APCDD1: variants seen among roughly 807,000 people sequenced by gnomAD.
APCDD1 encodes the protein APC down-regulated 1.
APCDD1 carries 15 observed loss-of-function variants against 38.1 expected under a neutral mutation model. The observed-to-expected ratio is 0.39, with a 90% CI of 0.26 to 0.61. APCDD1 has a LOEUF of 0.61. Among genes scored for constraint, APCDD1 ranks in the 20% least tolerant of loss-of-function variants. The pLI is 0.49. For missense variants in APCDD1, 647 were observed against 696.2 expected, an observed-to-expected ratio of 0.93 and a Z score of 0.79; for synonymous variants, 261 against 279.7, an observed-to-expected ratio of 0.93 and a Z score of 0.67.
At chr18:10,474,711 G>A (rs1398682282) in intron 3 of APCDD1, among the ~76,000 whole-genome samples, 1 of 152,204 alleles carries the variant, frequency 6.6e-6, no homozygotes, top group Admixed American at 6.5e-5. Context: ...TCCGCAGATG[G>A]AGTCTGAAAG....
At chr18:10,478,713 T>C (rs2031064914) in intron 3 of APCDD1, among the ~76,000 whole-genome samples, 1 of 152,134 alleles carries the variant, frequency 6.6e-6, no homozygotes, top group Non-Finnish European at 1.5e-5. Context: ...TAACATGGAT[T>C]TTGAGGCGAC....
In APCDD1 at chr18:10,470,061, C is replaced by G. The variant is rs926636524; in HGVS notation, c.242+1409C>G. Among the ~76,000 whole-genome samples the G allele has an allele frequency of 6.6e-6, 1 of 152,042 alleles. No homozygotes were observed. Among genetic ancestry groups the G allele is most frequent in the African/African-American group, 2.4e-5 (1 of 41,384 alleles). On this transcript the variant is annotated intron_variant, in intron 2 of 4. Transcript: ENST00000355285. The surrounding 1 kb of genome is among the most constrained non-coding windows in gnomAD (Gnocchi z 4.1). ...TTCTGGCTGCTGTTTGGCAAATGGA[C>G]GGGAGAAAAAGTGATTTGGGGGTGA...
intron 1 of APCDD1, among the ~76,000 whole-genome samples, chr18:10,457,733 T>G (rs1476557032): frequency 2.0e-5 from 3 of 152,228 alleles, no homozygotes; most frequent in Non-Finnish European, 4.4e-5. Context: ...ATAACCATTA[T>G]GTTTGGCATC....
chr18:10,473,328 G>A (rs1250069822), intron 3 of APCDD1, among the ~76,000 whole-genome samples: 1 of 152,198 alleles, frequency 6.6e-6, no homozygotes, highest in Non-Finnish European at 1.5e-5. Context: ...TTTCATGGCT[G>A]TGTCCCCGCG....
Position 10,466,967 on chromosome 18 carries a change from G to T in APCDD1, c.59-1502G>T, listed in dbSNP as rs149452883. On this transcript the variant is annotated intron_variant, in intron 1 of 4. Coordinates refer to ENST00000355285, the MANE Select transcript of APCDD1 (RefSeq NM_153000.5). ...CTGACATTCATTGCATGTAAAATCTGTAAGAACGATCAGAAGCTGTCTTTC... is the reference window on the plus strand; with the variant it reads ...CTGACATTCATTGCATGTAAAATCTTTAAGAACGATCAGAAGCTGTCTTTC... Among the ~76,000 whole-genome samples, 230 of 152,288 alleles carry T rather than the reference G, an allele frequency of 1.5e-3. 1 individual carries two copies. The highest frequency in any genetic ancestry group is 5.3e-3 in the African/African-American group (221 of 41,568).
At chr18:10,480,509 T>C (rs1279462308) in intron 3 of APCDD1, among the ~76,000 whole-genome samples, 3 of 152,156 alleles carry the variant, frequency 2.0e-5, no homozygotes, top group African/African-American at 4.8e-5. Flanking sequence ...TATTCAACGG[T>C]AGCTAAAATT....
rs529793844 is a variant in APCDD1 at position 10,466,508 on chromosome 18, C to G, written c.59-1961C>G. 2.0e-5 allele frequency among the ~76,000 whole-genome samples: 3 copies of G among 152,302 alleles called. No homozygotes were observed. In the East Asian group the frequency reaches 5.8e-4, roughly 29 times the overall value. On this transcript the variant is annotated intron_variant, in intron 1 of 4. Transcript: ENST00000355285. ...AACTAAAGGGACATGGTCCTCACCC[C>G]CTGGGGGAGCTGATCAAAATGCATG...
chr18:10,455,407 G>A (rs2030353796), intron 1 of APCDD1, among the ~76,000 whole-genome samples: 1 of 152,204 alleles, frequency 6.6e-6, no homozygotes, highest in South Asian at 2.1e-4. Flanking sequence ...TGAAATCGCC[G>A]GCTCTGCGAG....
intron 1 of APCDD1, among the ~76,000 whole-genome samples, chr18:10,460,561 C>CA (rs1176892434): frequency 1.3e-5 from 2 of 150,158 alleles, no homozygotes; most frequent in Non-Finnish European, 3.0e-5. Context: ...AACAAACAAG[C>CA]AAAAAAAACT....
chr18:10,486,221 G>T (rs1226943562), intron 4 of APCDD1, among the ~76,000 whole-genome samples: 3 of 152,180 alleles, frequency 2.0e-5, no homozygotes, highest in Non-Finnish European at 4.4e-5. Flanking sequence ...GGATGTGGTG[G>T]CATGTGCCTG....
chr18:10,488,137 ATGCCAGAGAAC>A lies in APCDD1; in HGVS notation c.*102_*112del. 7.1e-7 allele frequency: 1 copy of A among 1,416,502 alleles called. No homozygotes were observed. The highest frequency in any genetic ancestry group is 1.2e-5 in the South Asian group (1 of 81,886). The allele number at this position is 1,416,502 out of a possible 1,614,324, so 87.7% of individuals were successfully genotyped here. On this transcript the variant is annotated 3_prime_UTR_variant, in exon 5 of 5. Transcript: ENST00000355285. ...ACATTTATTCTTTTGATGCACTTGA[ATGCCAGAGAAC>A]TGTCCTTCTTTTTCTCCTCTCCCTC...
At chr18:10,458,406 A>T (rs2030437390) in intron 1 of APCDD1, among the ~76,000 whole-genome samples, 1 of 152,252 alleles carries the variant, frequency 6.6e-6, no homozygotes. Context: ...GTAAAATAGA[A>T]ATCTTTGAAA....
In APCDD1 at chr18:10,469,099, G is replaced by T. The variant is rs1467718833; in HGVS notation, c.242+447G>T. Reference sequence around the variant, plus strand: ...AGTAAGTTAAAAGCTACCTCTACTAGCCAGGGTGCAGTTCTTGGATTCTTT... The same window carrying T: ...AGTAAGTTAAAAGCTACCTCTACTATCCAGGGTGCAGTTCTTGGATTCTTT... On this transcript the variant is annotated intron_variant, in intron 2 of 4. Coordinates refer to ENST00000355285, the MANE Select transcript of APCDD1 (RefSeq NM_153000.5). This position sits in a 1 kb window ranked among gnomAD's most constrained non-coding sequence, Gnocchi z 5.5. Among the ~76,000 whole-genome samples, 4 of 152,226 alleles carry T rather than the reference G, an allele frequency of 2.6e-5. No individual in the cohort carries two copies. Among genetic ancestry groups the T allele is most frequent in the Non-Finnish European group, 4.4e-5 (3 of 68,046 alleles).
chr18:10,456,941 G>A (rs1019867356), intron 1 of APCDD1, among the ~76,000 whole-genome samples: 2 of 152,182 alleles, frequency 1.3e-5, no homozygotes, highest in African/African-American at 4.8e-5. Flanking sequence ...GACCGTGTGC[G>A]TGCTGGTATG....
At chr18:10,480,946 T>TA (rs35589370) in intron 3 of APCDD1, among the ~76,000 whole-genome samples, 44,006 of 149,226 alleles carry the variant, frequency 0.29, 6,518 homozygotes, top group East Asian at 0.42. Flanking sequence ...AAATAAAAAA[T>TA]AAAAAAAATT....
In APCDD1 at chr18:10,454,777, G is replaced by C; in HGVS notation, c.-205G>C. ...GCCGGGACGCGGACCGGGCCGGGGC[G>C]CCCACAGCCGCCCGACGGCGCCCAG... On this transcript the variant is annotated 5_prime_UTR_variant, in exon 1 of 5. Coordinates refer to ENST00000355285, the MANE Select transcript of APCDD1 (RefSeq NM_153000.5). 1.0e-6 allele frequency: 1 copy of C among 980,406 alleles called. No homozygotes were observed. The highest frequency in any genetic ancestry group is 1.2e-6 in the Non-Finnish European group (1 of 828,120). The allele number at this position is 980,406 out of a possible 1,614,324, so 60.7% of individuals were successfully genotyped here. A position where few individuals can be genotyped will look rare whatever the true frequency, so the allele number is the denominator to read the frequency against.
rs375027558 is a variant in APCDD1, at chr18:10,468,573, A to T, written c.163A>T (p.Met55Leu). ...TTTTAAGGAGTCACAGTGCCATCAC[A>T]TGCTCAAACATCTCCACAATGGTGC... Reference protein sequence around the residue: ...RAFKESQCHHMLKHLHNGARI... With the variant: ...RAFKESQCHHLLKHLHNGARI... The change falls in exon 2 of 5, where the codon ATG becomes TTG. Residue 55 changes from methionine (M) to leucine (L), a missense_variant. Met to Leu is a conservative substitution (Grantham distance 15). Transcript: ENST00000355285. 1.2e-6 allele frequency: 2 copies of T among 1,614,046 alleles called. No homozygotes were observed. Among genetic ancestry groups the T allele is most frequent in the Admixed American group, 1.7e-5 (1 of 60,008 alleles).
In APCDD1 at chr18:10,470,082, G is replaced by A. The variant is rs1444177781; in HGVS notation, c.242+1430G>A. On this transcript the variant is annotated intron_variant, in intron 2 of 4. Transcript: ENST00000355285. This position sits in a 1 kb window ranked among gnomAD's most constrained non-coding sequence, Gnocchi z 4.1. The stretch of plus-strand genomic sequence containing the variant: ...TGGACGGGAGAAAAAGTGATTTGGG[G>A]GTGACCAGTTAAAAGACCTTTGCAG... Among the ~76,000 whole-genome samples, 2 of 152,144 alleles carry A rather than the reference G, an allele frequency of 1.3e-5. No homozygotes were observed. Among genetic ancestry groups the A allele is most frequent in the Non-Finnish European group, 2.9e-5 (2 of 68,026 alleles).
chr18:10,480,323 G>C (rs1258766770), intron 3 of APCDD1, among the ~76,000 whole-genome samples: 2 of 152,136 alleles, frequency 1.3e-5, no homozygotes, highest in Non-Finnish European at 2.9e-5. Context: ...GAAGAATACT[G>C]TTTCCGAAAA....
Sources: allele counts gnomAD v4.1 joint callset (sites outside exome capture counted in the v4.1 genomes callset), GRCh38; gene constraint gnomAD v4.1.1; non-coding constraint Gnocchi (gnomAD v3.1); transcripts MANE v1.5; gene names NCBI Gene and HGNC (gene_info 2026-07-23, HGNC 2026-07-21).